The following TFEC variants were observed in gnomAD, a reference collection of about 807,000 sequenced individuals.
The protein encoded by TFEC is class E basic helix-loop-helix protein 34.
Under a neutral mutation model 41.6 loss-of-function variants are expected in TFEC, and 31 were observed. That is an observed-to-expected ratio of 0.74 (90% CI 0.56 to 1.01). The LOEUF (loss-of-function observed/expected upper bound fraction) is 1.01. TFEC is among the 50% of genes least tolerant of loss of function. The pLI, the probability that TFEC is intolerant of heterozygous loss-of-function variation, is 0.00. For synonymous variants in TFEC, 143 were observed against 140.6 expected (o/e 1.02, Z -0.12); for missense variants, 402 against 404.1 (o/e 0.99, Z 0.04).
At chr7:116,064,071 G>A (rs1214552114) in intron 3 of TFEC, among the ~76,000 whole-genome samples, 1 of 152,084 alleles carries the variant, frequency 6.6e-6, no homozygotes, top group Non-Finnish European at 1.5e-5. Context: ...GGGTTTCCTG[G>A]GATGGAGCGG....
In TFEC at chr7:115,984,413, G is replaced by A. The variant is rs1356865240; in HGVS notation, c.29C>T (p.Pro10Leu). 2 of 1,614,082 alleles carry A rather than the reference G, an allele frequency of 1.2e-6. No homozygotes were observed. MTLDHQIIN[P>L]TLKWSQPAVP... ...TGCAGGTTGTGACCATTTAAGAGTT[G>A]GATTGATGATCTGATGATCAAGGGT... is the stretch of plus-strand genomic sequence containing the variant. The change falls in exon 2 of 8, where the codon CCA (proline) becomes CTA (leucine). Residue 10 changes from proline to leucine, a missense_variant. Transcript: ENST00000265440.
intron 3 of TFEC, among the ~76,000 whole-genome samples, chr7:116,073,630 T>A (rs1053499468): frequency 2.0e-5 from 3 of 151,864 alleles, no homozygotes; most frequent in Non-Finnish European, 4.4e-5. Context: ...ATTGACAAGC[T>A]GATCTTAAAA....
At chr7:116,152,337 T>C (rs759610878) in intron 1 of TFEC, among the ~76,000 whole-genome samples, 1 of 152,154 alleles carries the variant, frequency 6.6e-6, no homozygotes, top group Non-Finnish European at 1.5e-5. Context: ...CAGAGTCCAG[T>C]GTTCTTTTTG....
chr7:116,082,093 G>T (rs2131060120), intron 3 of TFEC, among the ~76,000 whole-genome samples: 1 of 152,094 alleles, frequency 6.6e-6, no homozygotes, highest in East Asian at 1.9e-4. Context: ...ACTTAGTGAT[G>T]ATAACTTTAT....
At chr7:116,154,200 C>G (rs931768930) in intron 1 of TFEC, among the ~76,000 whole-genome samples, 2 of 152,144 alleles carry the variant, frequency 1.3e-5, no homozygotes, top group African/African-American at 4.8e-5. Context: ...GATATATGTA[C>G]TGGGTGACCT....
At chr7:116,137,513 T>C (rs1202585018) in intron 1 of TFEC, among the ~76,000 whole-genome samples, 1 of 152,174 alleles carries the variant, frequency 6.6e-6, no homozygotes. Flanking sequence ...CTATTTTATG[T>C]CTTTGAGTCT....
intron 3 of TFEC, among the ~76,000 whole-genome samples, chr7:116,059,697 A>G (rs187335646): frequency 1.8e-4 from 28 of 152,174 alleles, no homozygotes; most frequent in African/African-American, 3.4e-4. Flanking sequence ...ATGTTAATCA[A>G]TGTAATTCAC....
At chr7:115,947,919 T>G (rs1791695035) in intron 6 of TFEC, among the ~76,000 whole-genome samples, 1 of 151,784 alleles carries the variant, frequency 6.6e-6, no homozygotes, top group South Asian at 2.1e-4. Flanking sequence ...GCTGGTTTTT[T>G]GAAAGGATCA....
chr7:116,143,546 A>T (rs575937253), intron 1 of TFEC, among the ~76,000 whole-genome samples: 1 of 152,234 alleles, frequency 6.6e-6, no homozygotes, highest in South Asian at 2.1e-4. Flanking sequence ...CAGAGAAAAC[A>T]TATTTAGTGA....
Position 116,062,225 on chromosome 7 carries a change from C to CTTTTTTTTTTTTTTTTTTTTTTTT in TFEC, c.198+48459_198+48482dup, listed in dbSNP as rs569480964. On this transcript the variant is annotated intron_variant, in intron 3 of 8. Transcript: ENST00000484212. ...ACAGGCATGTGCCAACATGCCTGGC[C>CTTTTTTTTTTTTTTTTTTTTTTTT]TTTTTTTTTTTTTTTTTTTTTTTTT... Among the ~76,000 whole-genome samples the CTTTTTTTTTTTTTTTTTTTTTTTT allele has an allele frequency of 3.9e-5, 2 of 51,912 alleles. 1 individual carries two copies. The highest frequency in any genetic ancestry group is 2.2e-4 in the African/African-American group (2 of 8,896). The allele number at this position is 51,912 out of a possible 152,430, so 34.1% of individuals were successfully genotyped here.
chr7:115,991,275 C>T (rs1461276516), intron 1 of TFEC, among the ~76,000 whole-genome samples: 1 of 152,202 alleles, frequency 6.6e-6, no homozygotes, highest in Non-Finnish European at 1.5e-5. Context: ...AAGAACATGC[C>T]AAATTGTAAA....
rs560156081 is a variant in TFEC, at chr7:115,947,606, G to T, written c.515+3268C>A. Among the ~76,000 whole-genome samples the T allele has an allele frequency of 3.0e-3, 451 of 151,396 alleles. 3 individuals carry two copies. Among genetic ancestry groups the T allele is most frequent in the Middle Eastern group, 6.8e-3 (2 of 292 alleles). On this transcript the variant is annotated intron_variant, in intron 6 of 7. Transcript: ENST00000265440. ...GTTGTTTCCTGACTTTTTAATGATT[G>T]CCATTCTAACTGGTGTGAGATGGTA... is the stretch of plus-strand genomic sequence containing the variant.
intron 1 of TFEC, among the ~76,000 whole-genome samples, chr7:116,129,990 AT>A (rs769731222): frequency 6.8e-6 from 1 of 146,206 alleles, no homozygotes; most frequent in African/African-American, 2.6e-5. Context: ...TTATTCAGTC[AT>A]TTTTTTCTGT....
intron 3 of TFEC, among the ~76,000 whole-genome samples, chr7:116,097,067 C>T (rs1054287531): frequency 2.7e-5 from 4 of 148,300 alleles, no homozygotes; most frequent in Admixed American, 6.8e-5. Flanking sequence ...TCCAGCCTGG[C>T]GACAGAGCGA....
rs200881260 is a variant in TFEC at position 116,094,700 on chromosome 7, A to AAAAC, written c.198+16004_198+16007dup. 8.4e-3 allele frequency among the ~76,000 whole-genome samples: 1,283 copies of AAAAC among 152,246 alleles called. 20 individuals are homozygous for AAAAC. Among genetic ancestry groups the AAAAC allele is most frequent in the African/African-American group, 0.029 (1,202 of 41,520 alleles). On this transcript the variant is annotated intron_variant, in intron 3 of 8. Coordinates refer to the TFEC transcript ENST00000484212. ...GTTTCAAACAAAACAAAACAAAATA[A>AAAAC]AAACAAACAAACAAAAAACAACAAC...
At chr7:116,101,233 A>C (rs79693413) in intron 3 of TFEC, among the ~76,000 whole-genome samples, 125 of 147,736 alleles carry the variant, frequency 8.5e-4, no homozygotes, top group Non-Finnish European at 1.6e-3. Context: ...GGCTGGGATA[A>C]GAGGATGGAC....
chr7:115,987,197 T>C (rs1311052940), intron 1 of TFEC, among the ~76,000 whole-genome samples: 2 of 152,110 alleles, frequency 1.3e-5, no homozygotes, highest in Non-Finnish European at 2.9e-5. Flanking sequence ...CTGTACAACA[T>C]CTGTAAACTA....
intron 1 of TFEC, among the ~76,000 whole-genome samples, chr7:116,120,720 G>T (rs1380509375): frequency 1.3e-5 from 2 of 151,970 alleles, no homozygotes; most frequent in Non-Finnish European, 2.9e-5. Flanking sequence ...TTAATGTACT[G>T]CTGGGACCCA....
At chr7:116,154,050 G>C (rs1798818954) in intron 1 of TFEC, among the ~76,000 whole-genome samples, 1 of 152,210 alleles carries the variant, frequency 6.6e-6, no homozygotes, top group Non-Finnish European at 1.5e-5. Flanking sequence ...TAGTGGTAAA[G>C]TACACAGGGC....
Sources: allele counts gnomAD v4.1 joint callset (sites outside exome capture counted in the v4.1 genomes callset), GRCh38; gene constraint gnomAD v4.1.1; transcripts MANE v1.5; gene names NCBI Gene and HGNC (gene_info 2026-07-23, HGNC 2026-07-21).